The following SLC71A2 variants were observed in gnomAD, a reference collection of about 807,000 sequenced individuals.
SLC71A2 encodes the protein solute carrier family 71 member 2.
the SLC71A2 span, among the ~76,000 whole-genome samples, chr9:94,424,750 T>TTTTTTTTTTTTG: frequency 1.0e-5 from 1 of 98,744 alleles, no homozygotes; most frequent in South Asian, 3.1e-4. Flanking sequence ...TTTTTTTTTT[T>TTTTTTTTTTTTG]ATTCTTTGAT....
the SLC71A2 span, chr9:94,444,949 T>A: frequency 9.3e-6 from 15 of 1,611,466 alleles, no homozygotes; most frequent in African/African-American, 8.0e-5. Flanking sequence ...TGGGTGAGAG[T>A]GTGCTTTCCC....
chr9:94,391,197 CAAAA>C, the SLC71A2 span, among the ~76,000 whole-genome samples: 1 of 59,072 alleles, frequency 1.7e-5, no homozygotes, highest in Non-Finnish European at 3.5e-5. Context: ...ATGTCTCTAC[CAAAA>C]AAAAAAAAAA....
chr9:94,441,838 CAG>C, the SLC71A2 span, among the ~76,000 whole-genome samples: 1 of 152,188 alleles, frequency 6.6e-6, no homozygotes, highest in Admixed American at 6.5e-5. Context: ...TAAAACCTGA[CAG>C]TGTTTCTGAT....
chr9:94,420,595 CT>C, the SLC71A2 span, among the ~76,000 whole-genome samples: 1,549 of 142,724 alleles, frequency 0.011, 4 homozygotes, highest in Middle Eastern at 0.021. Context: ...GTTTATAATA[CT>C]TTTTTTTTTT....
At chr9:94,421,462 T>C in the SLC71A2 span, among the ~76,000 whole-genome samples, 1 of 152,200 alleles carries the variant, frequency 6.6e-6, no homozygotes, top group Non-Finnish European at 1.5e-5. Context: ...ATACTCTTTG[T>C]TGTCTGGCTT....
the SLC71A2 span, among the ~76,000 whole-genome samples, chr9:94,409,276 A>C: frequency 1.4e-5 from 2 of 145,874 alleles, no homozygotes; most frequent in Middle Eastern, 3.2e-3. Flanking sequence ...AATAGCTGGG[A>C]CTATAGGTGT....
chr9:94,437,638 T>G, the SLC71A2 span, among the ~76,000 whole-genome samples: 2 of 151,182 alleles, frequency 1.3e-5, no homozygotes, highest in East Asian at 3.9e-4. Context: ...ACACTCCTCT[T>G]CTTTATCCCT....
chr9:94,410,315 T>G, the SLC71A2 span, among the ~76,000 whole-genome samples: 1 of 152,210 alleles, frequency 6.6e-6, no homozygotes, highest in African/African-American at 2.4e-5. Context: ...ATACTGGTCT[T>G]GAACTCCTAG....
At chr9:94,386,958 T>C in the SLC71A2 span, among the ~76,000 whole-genome samples, 1 of 152,202 alleles carries the variant, frequency 6.6e-6, no homozygotes, top group Admixed American at 6.5e-5. Context: ...TTTATATTAA[T>C]TTTACATTAA....
chr9:94,414,723 G>T, the SLC71A2 span, among the ~76,000 whole-genome samples: 1 of 152,118 alleles, frequency 6.6e-6, no homozygotes, highest in African/African-American at 2.4e-5. Context: ...GCAGTGGCGG[G>T]ATTTCGGCTC....
the SLC71A2 span, among the ~76,000 whole-genome samples, chr9:94,409,757 A>G: frequency 6.6e-6 from 1 of 151,566 alleles, no homozygotes; most frequent in East Asian, 1.9e-4. Flanking sequence ...AATATTCATG[A>G]ATTTTCCAAA....
the SLC71A2 span, among the ~76,000 whole-genome samples, chr9:94,452,702 TTC>T: frequency 1.1e-5 from 1 of 94,282 alleles, no homozygotes; most frequent in South Asian, 3.1e-4. Flanking sequence ...TATTCATATA[TTC>T]ATATATATTC....
the SLC71A2 span, among the ~76,000 whole-genome samples, chr9:94,430,992 ATACGTTG>A: frequency 6.6e-6 from 1 of 152,180 alleles, no homozygotes; most frequent in South Asian, 2.1e-4. Flanking sequence ...ATGCATAATT[ATACGTTG>A]TACTGAACAA....
the SLC71A2 span, chr9:94,374,896 G>C: frequency 7.9e-7 from 1 of 1,261,008 alleles, no homozygotes; most frequent in Non-Finnish European, 1.0e-6. Flanking sequence ...CCGGAGAAGC[G>C]CGCGGGCGCG....
chr9:94,458,311 T>C, the SLC71A2 span: 38,398 of 1,598,064 alleles, frequency 0.024, 600 homozygotes, highest in Non-Finnish European at 0.027. Flanking sequence ...ATTTTCTTTG[T>C]TCTGATTTAG....
At chr9:94,421,885 C>A in the SLC71A2 span, among the ~76,000 whole-genome samples, 1 of 152,090 alleles carries the variant, frequency 6.6e-6, no homozygotes, top group African/African-American at 2.4e-5. Flanking sequence ...GCAGACAACA[C>A]TTCACATAAT....
the SLC71A2 span, among the ~76,000 whole-genome samples, chr9:94,454,340 TTA>T: frequency 6.6e-6 from 1 of 152,064 alleles, no homozygotes; most frequent in African/African-American, 2.4e-5. Context: ...AAATAAAGTT[TTA>T]TGTCTACTTT....
At chr9:94,433,800 G>T in the SLC71A2 span, among the ~76,000 whole-genome samples, 61 of 152,088 alleles carry the variant, frequency 4.0e-4, no homozygotes, top group African/African-American at 1.4e-3. Flanking sequence ...ACTTACATCA[G>T]AAACAACGAA....
the SLC71A2 span, among the ~76,000 whole-genome samples, chr9:94,458,146 T>C: frequency 6.6e-6 from 1 of 152,234 alleles, no homozygotes; most frequent in Non-Finnish European, 1.5e-5. Flanking sequence ...TTTATTAGTT[T>C]TGGATTTTAT....
Sources: allele counts gnomAD v4.1 joint callset (sites outside exome capture counted in the v4.1 genomes callset), GRCh38; gene constraint gnomAD v4.1.1; transcripts MANE v1.5; gene names NCBI Gene and HGNC (gene_info 2026-07-23, HGNC 2026-07-21).